Variants in ACACA observed in about 807,000 individuals in gnomAD.
ACACA encodes acetyl-CoA carboxylase alpha, also known as acetyl-CoA carboxylase 1.
In ACACA, 103 loss-of-function variants were observed where a neutral mutation model predicts 296.1. That is an observed-to-expected ratio of 0.35 (90% CI 0.30 to 0.41). ACACA has a LOEUF of 0.41. ACACA is among the 10% of genes least tolerant of loss of function. The pLI, the probability that ACACA is intolerant of heterozygous loss-of-function variation, is 1.00. For missense variants in ACACA, 1,554 were observed against 2,989.7 expected (o/e 0.52, Z 11.20); for synonymous variants, 953 against 1,038.6 (o/e 0.92, Z 1.58).
chr17:37,150,092 TC>T (rs1366330364), intron 44 of ACACA, 118 bp from the exon 45 acceptor site: 2 of 870,570 alleles, frequency 2.3e-6, no homozygotes, highest in African/African-American at 3.3e-5. Flanking sequence ...TTTTATGAAG[TC>T]TATTTGATTG....
intron 29 of ACACA, among the ~76,000 whole-genome samples, chr17:37,213,251 A>C (rs1308490166): frequency 6.6e-6 from 1 of 151,338 alleles, no homozygotes; most frequent in Non-Finnish European, 1.5e-5. Flanking sequence ...AGCTACTCCG[A>C]AGGTTGAGGT....
intron 3 of ACACA, among the ~76,000 whole-genome samples, chr17:37,293,388 G>A (rs563651451): frequency 6.6e-6 from 1 of 152,060 alleles, no homozygotes; most frequent in Non-Finnish European, 1.5e-5. Context: ...AATGAAACCC[G>A]AAAAAGCAAG....
intron 43 of ACACA, among the ~76,000 whole-genome samples, chr17:37,154,477 T>A (rs956623174): frequency 6.6e-6 from 1 of 152,056 alleles, no homozygotes; most frequent in Non-Finnish European, 1.5e-5. Flanking sequence ...TTTCAGTAAA[T>A]AGTATTAGGA....
At position 37,144,680 on chromosome 17, in the gene ACACA, A is replaced by G. The variant is rs76377734; in HGVS notation, c.5679+5184T>C. 5.3e-5 allele frequency among the ~76,000 whole-genome samples: 8 copies of G among 152,358 alleles called. 1 individual carries two copies. The East Asian group carries it at 1.5e-3, about 29-fold the overall frequency. ...TGTAACTTACTTGCACCAAGTCTCAAAAGCAAGATTAGCAGAATTAGCCCC... is the reference window on the plus strand; with the variant it reads ...TGTAACTTACTTGCACCAAGTCTCAGAAGCAAGATTAGCAGAATTAGCCCC... On this transcript the variant is annotated intron_variant, in intron 45 of 55. Coordinates refer to ENST00000616317, the MANE Select transcript of ACACA (RefSeq NM_198834.3).
intron 39 of ACACA, among the ~76,000 whole-genome samples, chr17:37,187,512 C>T (rs2077582503): frequency 1.3e-5 from 2 of 152,244 alleles, no homozygotes; most frequent in Admixed American, 6.5e-5. Context: ...AATGGTGAAC[C>T]AACCTAATTT....
Position 37,206,773 on chromosome 17 carries a change from G to GACATTA in ACACA, c.3948+4_3948+9dup. The GACATTA allele has an allele frequency of 6.3e-7, 1 of 1,589,190 alleles. No individual in the cohort carries two copies. Among genetic ancestry groups the GACATTA allele is most frequent in the Non-Finnish European group, 8.6e-7 (1 of 1,157,590 alleles). On this transcript the variant is annotated intron_variant, in intron 32 of 55. Coordinates refer to ENST00000616317, the MANE Select transcript of ACACA (RefSeq NM_198834.3). ...GGGAACAAAGCAGTCTCCCAAAAGG[G>GACATTA]ACATTATACCTTATCCTCATCATAA... is the stretch of plus-strand genomic sequence containing the variant.
intron 1 of ACACA, among the ~76,000 whole-genome samples, chr17:37,382,375 T>G (rs2050335073): frequency 6.6e-6 from 1 of 151,946 alleles, no homozygotes; most frequent in South Asian, 2.1e-4. Flanking sequence ...TTTTCTTTAG[T>G]GTAGCCGGTT....
At chr17:37,251,745 T>C (rs1239561615) in intron 16 of ACACA, among the ~76,000 whole-genome samples, 4 of 152,240 alleles carry the variant, frequency 2.6e-5, no homozygotes, top group African/African-American at 9.6e-5. Flanking sequence ...GAATAACTAC[T>C]GCAGATGGAT....
At chr17:37,168,659 G>T (rs548872057) in intron 41 of ACACA, among the ~76,000 whole-genome samples, 19 of 152,168 alleles carry the variant, frequency 1.2e-4, no homozygotes, top group African/African-American at 4.6e-4. Flanking sequence ...ATAAATGTAT[G>T]AAAATTAAAA....
intron 52 of ACACA, 72 bp downstream of exon 52, chr17:37,111,459 T>C: frequency 9.2e-7 from 1 of 1,091,456 alleles, no homozygotes; most frequent in Non-Finnish European, 1.4e-6. Flanking sequence ...CCTCCTCCCC[T>C]GGCCTATGAA....
chr17:37,364,525 C>T (rs2049534260), intron 1 of ACACA, among the ~76,000 whole-genome samples: 1 of 146,700 alleles, frequency 6.8e-6, no homozygotes, highest in Non-Finnish European at 1.5e-5. Context: ...ACCCGAGAGG[C>T]AGAGGTTGTA....
chr17:37,316,095 TAGAGACCAAATGC>T (rs2047073202), intron 3 of ACACA, among the ~76,000 whole-genome samples: 2 of 152,210 alleles, frequency 1.3e-5, no homozygotes, highest in South Asian at 4.1e-4. Context: ...GAACCAAGGA[TAGAGACCAAATGC>T]TTATTTATTA....
At position 37,087,215 on chromosome 17, in the gene ACACA, G is replaced by C. The variant is rs569166182; in HGVS notation, c.*101C>G. ...AAGTAAAATGCCATTTGACTCCAGT[G>C]CTGGGTCTCCTGTGCCTTCTCATTA... On this transcript the variant is annotated 3_prime_UTR_variant, in exon 56 of 56. Transcript: ENST00000616317. 3.9e-3 allele frequency: 5,994 copies of C among 1,529,714 alleles called. 21 individuals carry two copies. The highest frequency in any genetic ancestry group is 4.9e-3 in the Non-Finnish European group (5,407 of 1,107,516). 94.8% of individuals were successfully genotyped at this position (1,529,714 alleles called of 1,614,324 possible).
At position 37,259,644 on chromosome 17, in the gene ACACA, T is replaced by A. The variant is rs147889064; in HGVS notation, c.1330-114A>T. 19 of 1,122,834 alleles carry A rather than the reference T, an allele frequency of 1.7e-5. No individual in the cohort carries two copies. In the African/African-American group the frequency reaches 2.0e-4, roughly 12 times the overall value. 69.6% of individuals were successfully genotyped at this position (1,122,834 alleles called of 1,614,324 possible). A position where few individuals can be genotyped will look rare whatever the true frequency, so the allele number is the denominator to read the frequency against. On this transcript the variant is annotated intron_variant, in intron 11 of 55. Transcript: ENST00000616317. Reference sequence around the variant, plus strand: ...GTGTATAAGAGCCATCAAAAGCTTTTAGCCACATGAGAGCACATTTCTGAT... The same window carrying A: ...GTGTATAAGAGCCATCAAAAGCTTTAAGCCACATGAGAGCACATTTCTGAT...
chr17:37,201,228 C>T (rs983825992), intron 33 of ACACA, among the ~76,000 whole-genome samples: 2 of 152,036 alleles, frequency 1.3e-5, no homozygotes, highest in African/African-American at 4.8e-5. Flanking sequence ...CACTTGAGGC[C>T]GGGAGTTTGA....
chr17:37,299,477 A>G lies in ACACA; in HGVS notation c.339-14507T>C, dbSNP rs569853912. The G allele has an allele frequency of 2.2e-4, 338 of 1,531,580 alleles. 2 individuals are homozygous for G. In the South Asian group the frequency reaches 3.9e-3, roughly 18 times the overall value. The allele number at this position is 1,531,580 out of a possible 1,614,324, so 94.9% of individuals were successfully genotyped here. ...TCTGCCTGGCTTCAGTCAGACTAGAATACTCCTGATGGCCTCAAACTATAG... is the reference window on the plus strand; with the variant it reads ...TCTGCCTGGCTTCAGTCAGACTAGAGTACTCCTGATGGCCTCAAACTATAG... On this transcript the variant is annotated intron_variant, in intron 3 of 55. Transcript: ENST00000616317.
At chr17:37,100,776 A>T (rs2073315081) in intron 52 of ACACA, among the ~76,000 whole-genome samples, 1 of 152,200 alleles carries the variant, frequency 6.6e-6, no homozygotes, top group South Asian at 2.1e-4. Context: ...CTGTGTTCTT[A>T]GAAATACACA....
At chr17:37,303,853 G>A (rs1034626423) in intron 3 of ACACA, among the ~76,000 whole-genome samples, 2 of 152,002 alleles carry the variant, frequency 1.3e-5, no homozygotes, top group African/African-American at 4.8e-5. Context: ...GCGAGACTCC[G>A]TCTCAAAAAA....
chr17:37,156,298 C>T (rs1226569850), intron 42 of ACACA, among the ~76,000 whole-genome samples: 2 of 151,960 alleles, frequency 1.3e-5, no homozygotes, highest in Non-Finnish European at 2.9e-5. Flanking sequence ...CTCCTGACCT[C>T]GTGATCCGCC....
Sources: allele counts gnomAD v4.1 joint callset (sites outside exome capture counted in the v4.1 genomes callset), GRCh38; gene constraint gnomAD v4.1.1; transcripts MANE v1.5; gene names NCBI Gene and HGNC (gene_info 2026-07-23, HGNC 2026-07-21).